TEF: variants seen among roughly 807,000 people sequenced by gnomAD.
TEF encodes thyrotroph embryonic factor.
TEF carries 3 observed loss-of-function variants against 20.8 expected under a neutral mutation model. The ratio of observed to expected loss-of-function variants is 0.14; its 90% CI spans 0.07 to 0.37. The LOEUF (loss-of-function observed/expected upper bound fraction) is 0.37, where lower values mean the gene tolerates loss of function less well. Ranked by LOEUF, TEF falls within the 10% of genes least tolerant of loss-of-function variation. TEF has a pLI of 1.00. For missense variants in TEF, 296 were observed against 397.9 expected (o/e 0.74, Z 2.18); for synonymous variants, 180 against 171.1 (o/e 1.05, Z -0.41).
intron 1 of TEF, among the ~76,000 whole-genome samples, chr22:41,385,765 A>G (rs2037090832): frequency 3.3e-5 from 5 of 151,998 alleles, no homozygotes; most frequent in Admixed American, 6.6e-5. Flanking sequence ...GCTCACTGCA[A>G]CCTCTGCCTG....
chr22:41,395,647 A>T, intron 3 of TEF, 98 bp from the exon 4 acceptor site: 2 of 1,238,292 alleles, frequency 1.6e-6, no homozygotes, highest in Non-Finnish European at 2.3e-6. Flanking sequence ...AGCTCTGGCC[A>T]CACCAGATGA....
rs1031421437 is a variant in TEF at position 41,382,023 on chromosome 22, C to T, written c.-22C>T. 4.6e-5 allele frequency: 57 copies of T among 1,229,172 alleles called. No homozygotes were observed. The highest frequency in any genetic ancestry group is 5.6e-5 in the Non-Finnish European group (55 of 986,598). The allele number at this position is 1,229,172 out of a possible 1,614,324, so 76.1% of individuals were successfully genotyped here. ...GGGGGCGGGCGGGGGAGGCGAGGTG[C>T]GCGAGCCGAGTCCGGGGCACGATGT... On this transcript the variant is annotated 5_prime_UTR_variant, in exon 1 of 4. Transcript: ENST00000266304.
intron 3 of TEF, among the ~76,000 whole-genome samples, chr22:41,394,819 C>T (rs906961049): frequency 6.6e-6 from 1 of 152,162 alleles, no homozygotes; most frequent in Non-Finnish European, 1.5e-5. Flanking sequence ...GTCAGGCACA[C>T]CTGGGTCCAA....
chr22:41,388,278 G>A (rs184309930), intron 2 of TEF, among the ~76,000 whole-genome samples: 85 of 152,060 alleles, frequency 5.6e-4, no homozygotes, highest in African/African-American at 2.0e-3. Context: ...GATTACAGGC[G>A]TAAGCTACCA....
upstream of TEF, chr22:41,381,886 C>T: frequency 8.2e-7 from 1 of 1,225,446 alleles, no homozygotes; most frequent in East Asian, 3.2e-5. Flanking sequence ...TGTGCCAGAG[C>T]CGGTCCGCAG....
At chr22:41,384,050 T>C (rs1569255591) in intron 1 of TEF, among the ~76,000 whole-genome samples, 1 of 152,228 alleles carries the variant, frequency 6.6e-6, no homozygotes, top group Non-Finnish European at 1.5e-5. Context: ...ACCAAGTTGT[T>C]TGTCAAAACC....
At position 41,398,337 on chromosome 22, in the gene TEF, C is replaced by T. The variant is rs1464825368; in HGVS notation, c.*2377C>T. 1.3e-5 allele frequency: 2 copies of T among 153,782 alleles called. No homozygotes were observed. Among genetic ancestry groups the T allele is most frequent in the African/African-American group, 2.4e-5 (1 of 41,438 alleles). The allele number at this position is 153,782 out of a possible 1,614,324, so 9.5% of individuals were successfully genotyped here. A position where few individuals can be genotyped will look rare whatever the true frequency, so the allele number is the denominator to read the frequency against. ...CCCTCTGCTTCTTGGAGGCCGACCGCTGGAGACTGCGGCTCCTGTGCTTGG... is the reference window on the plus strand; with the variant it reads ...CCCTCTGCTTCTTGGAGGCCGACCGTTGGAGACTGCGGCTCCTGTGCTTGG... On this transcript the variant is annotated 3_prime_UTR_variant, in exon 4 of 4. Coordinates refer to ENST00000266304, the MANE Select transcript of TEF (RefSeq NM_003216.4).
chr22:41,384,475 C>G (rs1012709226), intron 1 of TEF, among the ~76,000 whole-genome samples: 1 of 152,186 alleles, frequency 6.6e-6, no homozygotes, highest in African/African-American at 2.4e-5. Context: ...TCCCAGAAAA[C>G]CTGCCTTCAG....
chr22:41,380,302 G>A (rs1032673108), upstream of TEF, among the ~76,000 whole-genome samples: 5 of 152,184 alleles, frequency 3.3e-5, no homozygotes, highest in African/African-American at 1.2e-4. Flanking sequence ...ACAGGCGCCA[G>A]CCACCATGCC....
chr22:41,396,217 T>C lies in TEF; in HGVS notation c.*257T>C. ...ATGGGTGACTCAGCCTTAGTTTCTA[T>C]TCTTGGATGTCCCAGTTGAATCAGA... On this transcript the variant is annotated 3_prime_UTR_variant, in exon 4 of 4. Transcript: ENST00000266304. 2.2e-6 allele frequency: 1 copy of C among 450,100 alleles called. No individual in the cohort carries two copies. The highest frequency in any genetic ancestry group is 4.1e-6 in the Non-Finnish European group (1 of 246,016). 27.9% of individuals were successfully genotyped at this position (450,100 alleles called of 1,614,324 possible). A position where few individuals can be genotyped will look rare whatever the true frequency, so the allele number is the denominator to read the frequency against.
chr22:41,378,486 C>T (rs1450817293), upstream of TEF, among the ~76,000 whole-genome samples: 2 of 152,018 alleles, frequency 1.3e-5, no homozygotes, highest in African/African-American at 4.8e-5. Context: ...GCTGGGACTA[C>T]AGGTGCCCGC....
rs146461839 is a variant in TEF at position 41,374,741 on chromosome 22, T to A, written c.67+7142T>A. ...AAAAAAAAAAAAGAAAAGAAAATCA[T>A]AACAGAATCTTAACTAAGTTGAAGT... is the stretch of plus-strand genomic sequence containing the variant. On this transcript the variant is annotated intron_variant, in intron 1 of 3. Coordinates refer to the TEF transcript ENST00000406644. Among the ~76,000 whole-genome samples the A allele has an allele frequency of 7.8e-3, 1,186 of 151,304 alleles. 7 individuals carry two copies. The highest frequency in any genetic ancestry group is 0.024 in the Middle Eastern group (7 of 294).
At chr22:41,368,954 C>T (rs777190900) in intron 1 of TEF, 1,119 of 626,606 alleles carry the variant, frequency 1.8e-3, no homozygotes, top group Non-Finnish European at 2.1e-3. Context: ...TTTGGCATCT[C>T]TGAGTGGCCT....
At chr22:41,385,341 CAA>C (rs932649693) in intron 1 of TEF, among the ~76,000 whole-genome samples, 5 of 151,974 alleles carry the variant, frequency 3.3e-5, no homozygotes, top group Admixed American at 1.3e-4. Context: ...GTCTGGGCAA[CAA>C]GAGCGAAACT....
At chr22:41,369,143 G>C in intron 1 of TEF, 1 of 985,372 alleles carries the variant, frequency 1.0e-6, no homozygotes. Context: ...ATTCTCAGGG[G>C]CGACTCGGGG....
chr22:41,367,748 G>A (rs1433483736), intron 1 of TEF: 2 of 734,906 alleles, frequency 2.7e-6, no homozygotes, highest in Non-Finnish European at 4.4e-6. Flanking sequence ...GCAGAGTGCG[G>A]AGAGGGGTTC....
rs963650721 is a variant in TEF at position 41,396,071 on chromosome 22, C to G, written c.*111C>G. ...CTTATGACTCGTCGTGGGCGCATGG[C>G]GGCGCACCTGCTGCAGGAGCGGCCA... On this transcript the variant is annotated 3_prime_UTR_variant, in exon 4 of 4. Coordinates refer to ENST00000266304, the MANE Select transcript of TEF (RefSeq NM_003216.4). 8.3e-7 allele frequency: 1 copy of G among 1,209,084 alleles called. No individual in the cohort carries two copies. The highest frequency in any genetic ancestry group is 1.5e-5 in the African/African-American group (1 of 65,758). The allele number at this position is 1,209,084 out of a possible 1,614,324, so 74.9% of individuals were successfully genotyped here. A position where few individuals can be genotyped will look rare whatever the true frequency, so the allele number is the denominator to read the frequency against.
At chr22:41,395,538 G>A (rs893966942) in intron 3 of TEF, among the ~76,000 whole-genome samples, 3 of 152,064 alleles carry the variant, frequency 2.0e-5, no homozygotes, top group Non-Finnish European at 2.9e-5. Flanking sequence ...ACCATGTAAC[G>A]TACCAAATAA....
At chr22:41,374,759 G>C (rs1437503160) in intron 1 of TEF, among the ~76,000 whole-genome samples, 2 of 151,828 alleles carry the variant, frequency 1.3e-5, no homozygotes, top group African/African-American at 4.8e-5. Context: ...TCTTAACTAA[G>C]TTGAAGTGGA....
Sources: allele counts gnomAD v4.1 joint callset (sites outside exome capture counted in the v4.1 genomes callset), GRCh38; gene constraint gnomAD v4.1.1; transcripts MANE v1.5; gene names NCBI Gene and HGNC (gene_info 2026-07-23, HGNC 2026-07-21).